SCN8A: variants seen among roughly 807,000 people sequenced by gnomAD.
SCN8A encodes the protein sodium channel protein type 8 subunit alpha.
A neutral mutation model predicts 184.1 loss-of-function variants in SCN8A; 30 were observed. That is an observed-to-expected ratio of 0.16 (90% confidence interval 0.12 to 0.22). The LOEUF (loss-of-function observed/expected upper bound fraction) is 0.22, where lower values mean the gene tolerates loss of function less well. Among genes scored for constraint, SCN8A ranks in the 10% least tolerant of loss-of-function variants. The pLI, the probability that SCN8A is intolerant of heterozygous loss-of-function variation, is 1.00. For synonymous variants in SCN8A, 852 were observed against 907.0 expected (o/e 0.94, Z 1.09); for missense variants, 1,057 against 2,498.9 (o/e 0.42, Z 12.30).
intron 21 of SCN8A, among the ~76,000 whole-genome samples, chr12:51,783,663 TATA>T (rs2138898388): frequency 6.6e-6 from 1 of 152,356 alleles, no homozygotes; most frequent in Non-Finnish European, 1.5e-5. Flanking sequence ...TTTGAGGGTA[TATA>T]ATATTAGTGC....
chr12:51,593,006 C>T (rs568953076), intron 1 of SCN8A, among the ~76,000 whole-genome samples: 2 of 152,134 alleles, frequency 1.3e-5, no homozygotes, highest in Admixed American at 1.3e-4. Context: ...ATAACATTAC[C>T]ACACGGTACC....
rs1194409990 is a variant in SCN8A at position 51,809,428 on chromosome 12, G to A, written c.*1999G>A. 2 of 152,252 alleles carry A rather than the reference G, an allele frequency of 1.3e-5. No individual in the cohort carries two copies. Among genetic ancestry groups the A allele is most frequent in the African/African-American group, 2.4e-5 (1 of 41,462 alleles). 9.4% of individuals were successfully genotyped at this position (152,252 alleles called of 1,614,324 possible). On this transcript the variant is annotated 3_prime_UTR_variant, in exon 27 of 27. Coordinates refer to ENST00000627620, the MANE Select transcript of SCN8A (RefSeq NM_001330260.2). ...GGTAATTTCACAGTCCACCAGACTA[G>A]TTTTGCATAGAACAAACCACAGTAA...
chr12:51,707,287 G>C (rs534284459), intron 11 of SCN8A, among the ~76,000 whole-genome samples: 1 of 151,836 alleles, frequency 6.6e-6, no homozygotes, highest in African/African-American at 2.4e-5. Context: ...GAACTAATAG[G>C]ATATATTTAT....
At chr12:51,704,279 CT>C (rs1325374784) in intron 9 of SCN8A, among the ~76,000 whole-genome samples, 2 of 152,062 alleles carry the variant, frequency 1.3e-5, no homozygotes, top group Non-Finnish European at 2.9e-5. Context: ...TTCCTTCTGC[CT>C]TTTTTTAACC....
At chr12:51,685,310 A>AT (rs1941401225) in intron 3 of SCN8A, among the ~76,000 whole-genome samples, 1 of 152,106 alleles carries the variant, frequency 6.6e-6, no homozygotes, top group African/African-American at 2.4e-5. Flanking sequence ...TGTAAGAAAT[A>AT]TTTTCTCTTT....
intron 10 of SCN8A, 106 bp downstream of exon 10, chr12:51,705,729 G>C: frequency 1.0e-6 from 1 of 998,252 alleles, no homozygotes; most frequent in Non-Finnish European, 1.5e-6. Flanking sequence ...TTTTCAAATA[G>C]AGGCCATTGG....
chr12:51,698,268 G>C (rs1033697603), intron 6 of SCN8A, among the ~76,000 whole-genome samples: 2 of 152,162 alleles, frequency 1.3e-5, no homozygotes, highest in African/African-American at 4.8e-5. Flanking sequence ...AGGTTAGAAG[G>C]CGTATTGCGT....
At chr12:51,631,332 G>A (rs934656768) in intron 1 of SCN8A, among the ~76,000 whole-genome samples, 13 of 152,202 alleles carry the variant, frequency 8.5e-5, no homozygotes, top group Admixed American at 7.9e-4. Context: ...TGCCCCCCAA[G>A]CAGTATGCAT....
At chr12:51,610,163 C>G (rs1389421342) in intron 1 of SCN8A, among the ~76,000 whole-genome samples, 1 of 82,256 alleles carries the variant, frequency 1.2e-5, no homozygotes, top group African/African-American at 4.5e-5. Flanking sequence ...GAGCAAAACT[C>G]TGTCTCAAAA....
chr12:51,802,721 C>T (rs1477923582), intron 26 of SCN8A, among the ~76,000 whole-genome samples: 1 of 152,184 alleles, frequency 6.6e-6, no homozygotes, highest in East Asian at 1.9e-4. Flanking sequence ...TTCCTTGGTT[C>T]TCCACATATG....
In SCN8A at chr12:51,749,820, A is replaced by AT. The variant is rs1167558326; in HGVS notation, c.2132-1525dup. The stretch of plus-strand genomic sequence containing the variant: ...CTTGGTTTTGGTGAAATGTTAGGGA[A>AT]TTTTTTTTTTCCTTAAATGATTTGA... On this transcript the variant is annotated intron_variant, in intron 13 of 26. Transcript: ENST00000627620. 1.4e-4 allele frequency among the ~76,000 whole-genome samples: 21 copies of AT among 150,952 alleles called. 1 individual carries two copies. In the East Asian group the frequency reaches 3.3e-3, roughly 24 times the overall value.
intron 1 of SCN8A, among the ~76,000 whole-genome samples, chr12:51,618,993 A>C (rs1179591867): frequency 1.3e-5 from 2 of 152,212 alleles, no homozygotes; most frequent in East Asian, 3.8e-4. Context: ...AGTCTTCCTC[A>C]GTTACCTACC....
At chr12:51,647,561 G>A (rs547588344) in intron 1 of SCN8A, among the ~76,000 whole-genome samples, 3 of 152,346 alleles carry the variant, frequency 2.0e-5, no homozygotes, top group Non-Finnish European at 4.4e-5. Flanking sequence ...GGCTGACGAG[G>A]TCCCTGAGAC....
chr12:51,687,715 A>G (rs1292430911), intron 5 of SCN8A, among the ~76,000 whole-genome samples: 1 of 152,216 alleles, frequency 6.6e-6, no homozygotes, highest in Non-Finnish European at 1.5e-5. Context: ...CACTTCCTGA[A>G]GAGTTACTAA....
chr12:51,676,163 C>T (rs1047231533), intron 2 of SCN8A, among the ~76,000 whole-genome samples: 1 of 152,058 alleles, frequency 6.6e-6, no homozygotes, highest in Non-Finnish European at 1.5e-5. Flanking sequence ...GTCTTTATGT[C>T]CTGCTTTGGT....
intron 20 of SCN8A, among the ~76,000 whole-genome samples, chr12:51,778,725 G>A (rs914520466): frequency 1.3e-5 from 2 of 152,068 alleles, no homozygotes; most frequent in Non-Finnish European, 2.9e-5. Flanking sequence ...AAGAATTAAA[G>A]CCCTAGGATA....
At chr12:51,754,708 A>C (rs1432758572) in intron 14 of SCN8A, among the ~76,000 whole-genome samples, 9 of 152,144 alleles carry the variant, frequency 5.9e-5, no homozygotes, top group Non-Finnish European at 1.3e-4. Flanking sequence ...TCTTTCCTTG[A>C]CTTTCATGTC....
intron 1 of SCN8A, among the ~76,000 whole-genome samples, chr12:51,595,530 C>G (rs1416024875): frequency 1.3e-5 from 2 of 152,114 alleles, no homozygotes; most frequent in African/African-American, 2.4e-5. Context: ...TCAGACAAAA[C>G]TAGATTCAAA....
At position 51,706,529 on chromosome 12, in the gene SCN8A, C is replaced by G. The variant is rs762369412; in HGVS notation, c.1449C>G (p.Leu483=). Residue 483 remains leucine, a synonymous_variant, in exon 11 of 27, where the codon CTC becomes CTG. Coordinates refer to ENST00000627620, the MANE Select transcript of SCN8A (RefSeq NM_001330260.2). ...GGAGCTCTTCTGAAATCTCTAAACTCAGCTCAAAGAGTGCAAAGGAAAGAC... is the reference window on the plus strand; with the variant it reads ...GGAGCTCTTCTGAAATCTCTAAACTGAGCTCAAAGAGTGCAAAGGAAAGAC... The part of the protein sequence containing the change: ...SPRSSSEISK[L]SSKSAKERRN... 12 of 1,605,750 alleles carry G rather than the reference C, an allele frequency of 7.5e-6. No homozygotes were observed. In the South Asian group the frequency reaches 9.0e-5, roughly 12 times the overall value.
Sources: gnomAD v4.1 joint callset for allele counts (sites outside exome capture counted in the v4.1 genomes callset) on GRCh38, gnomAD v4.1.1 for gene constraint, MANE v1.5 for transcripts, NCBI Gene and HGNC (gene_info 2026-07-23, HGNC 2026-07-21) for gene names.